Variants in RIMBP2 observed in about 807,000 individuals in gnomAD.
RIMBP2 encodes the protein RIMS binding protein 2, also known as RIMS-binding protein 2.
Under a neutral mutation model 118.6 loss-of-function variants are expected in RIMBP2, and 48 were observed. The observed-to-expected ratio is 0.40, with a 90% confidence interval of 0.32 to 0.51. The LOEUF (loss-of-function observed/expected upper bound fraction) is 0.51, where lower values mean the gene tolerates loss of function less well. Among genes scored for constraint, RIMBP2 ranks in the 20% least tolerant of loss-of-function variants. The pLI is 0.41. For synonymous variants in RIMBP2, 762 were observed against 742.9 expected (o/e 1.03, Z -0.42); for missense variants, 1,551 against 1,768.3 (o/e 0.88, Z 2.20).
intron 10 of RIMBP2, among the ~76,000 whole-genome samples, chr12:130,444,613 C>T (rs924822293): frequency 6.6e-6 from 1 of 152,148 alleles, no homozygotes; most frequent in Non-Finnish European, 1.5e-5. Flanking sequence ...AAAGGTGGGG[C>T]CTTTCAGATG....
chr12:130,544,075 C>A (rs2054865870), intron 2 of RIMBP2, among the ~76,000 whole-genome samples: 1 of 152,168 alleles, frequency 6.6e-6, no homozygotes, highest in Non-Finnish European at 1.5e-5. Flanking sequence ...CTGGAACCTA[C>A]CATTCTTGTC....
chr12:130,592,256 G>C (rs1177585063), intron 2 of RIMBP2, among the ~76,000 whole-genome samples: 1 of 152,214 alleles, frequency 6.6e-6, no homozygotes, highest in East Asian at 1.9e-4. Flanking sequence ...GCCCTGGCGG[G>C]TGTTTCCTGG....
At chr12:130,513,910 C>A (rs2051172763) in intron 3 of RIMBP2, among the ~76,000 whole-genome samples, 1 of 152,222 alleles carries the variant, frequency 6.6e-6, no homozygotes, top group South Asian at 2.1e-4. Flanking sequence ...CTCCAGGGAT[C>A]CAGAAGGACA....
chr12:130,686,147 A>C (rs1231965340), intron 1 of RIMBP2, among the ~76,000 whole-genome samples: 1 of 152,178 alleles, frequency 6.6e-6, no homozygotes, highest in Non-Finnish European at 1.5e-5. Context: ...GGAGACTGGC[A>C]GTCACGGCCA....
At chr12:130,439,291 ATGTGGGTGTGTG>A (rs991960114) in intron 11 of RIMBP2, among the ~76,000 whole-genome samples, 1 of 151,538 alleles carries the variant, frequency 6.6e-6, no homozygotes, top group African/African-American at 2.4e-5. Context: ...GTGTGTGTAT[ATGTGGGTGTGTG>A]TGTGGGTGTG....
At chr12:130,460,067 G>C (rs1049788073) in intron 6 of RIMBP2, among the ~76,000 whole-genome samples, 12 of 152,220 alleles carry the variant, frequency 7.9e-5, no homozygotes, top group Non-Finnish European at 1.8e-4. Flanking sequence ...GATGAACCAG[G>C]TCACCTCTGT....
intron 2 of RIMBP2, among the ~76,000 whole-genome samples, chr12:130,519,129 G>A (rs193211181): frequency 7.9e-5 from 12 of 152,302 alleles, no homozygotes; most frequent in Non-Finnish European, 1.6e-4. Context: ...ATACTGGTGG[G>A]ACACCCACAT....
intron 1 of RIMBP2, chr12:130,633,811 C>T (rs1158602189): frequency 1.3e-5 from 2 of 152,224 alleles, no homozygotes; most frequent in Non-Finnish European, 2.9e-5. Flanking sequence ...TTACAAGGCA[C>T]CGGAGATTAG....
chr12:130,532,235 G>A (rs61934574), intron 2 of RIMBP2, among the ~76,000 whole-genome samples: 1,628 of 27,914 alleles, frequency 0.058, 17 homozygotes, highest in African/African-American at 0.1. Flanking sequence ...TGAGATGCGT[G>A]TGTTTAGCCT....
At position 130,622,757 on chromosome 12, in the gene RIMBP2, G is replaced by A. The variant is rs1339115921; in HGVS notation, c.-217+5565C>T. On this transcript the variant is annotated intron_variant, in intron 2 of 22. Coordinates refer to ENST00000690449, the MANE Select transcript of RIMBP2 (RefSeq NM_001393629.1). This position sits in a 1 kb window ranked among gnomAD's most constrained non-coding sequence, Gnocchi z 8.5. ...CACTCTTGGAAATATTGGGCTAGTT[G>A]GCAGATTTAGGCAATGCCTCCACTA... 6.6e-6 allele frequency among the ~76,000 whole-genome samples: 1 copy of A among 152,106 alleles called. No individual in the cohort carries two copies. The highest frequency in any genetic ancestry group is 1.5e-5 in the Non-Finnish European group (1 of 68,032).
chr12:130,424,458 A>T lies in RIMBP2; in HGVS notation c.2813T>A (p.Val938Glu), dbSNP rs1430497482. Residue 938 changes from valine to glutamate, a missense_variant, in exon 16 of 23, where the codon GTG becomes GAG. By Grantham distance (121) the Val-to-Glu change is moderately radical (BLOSUM62 -2). Coordinates refer to ENST00000690449, the MANE Select transcript of RIMBP2 (RefSeq NM_001393629.1). This position sits in a 1 kb window ranked among gnomAD's most constrained non-coding sequence, Gnocchi z 9.8. ...ACCAGGGCCTGGGCTGCACGCGGCCACGGTGTTTCCGAAGCCAAACCGCGA... is the reference window on the plus strand; with the variant it reads ...ACCAGGGCCTGGGCTGCACGCGGCCTCGGTGTTTCCGAAGCCAAACCGCGA... ...DESRFGFGNT[V>E]AACSPGPGHC... 6 of 1,231,978 alleles carry T rather than the reference A, an allele frequency of 4.9e-6. No homozygotes were observed. In the African/African-American group the frequency reaches 9.3e-5, roughly 19 times the overall value. The allele number at this position is 1,231,978 out of a possible 1,614,324, so 76.3% of individuals were successfully genotyped here. A position where few individuals can be genotyped will look rare whatever the true frequency, so the allele number is the denominator to read the frequency against.
At chr12:130,687,387 G>A (rs897911004) in intron 1 of RIMBP2, among the ~76,000 whole-genome samples, 1 of 152,212 alleles carries the variant, frequency 6.6e-6, no homozygotes, top group African/African-American at 2.4e-5. Context: ...GTAAGATGTG[G>A]TATAGGAGGT....
rs954001386 is a variant in RIMBP2, at chr12:130,561,481, C to A, written c.-216-43564G>T. ...TGATACGAGCAAGGTACCCCAAACC[C>A]AATTTCCACCTTCTTCTTAATTGCA... On this transcript the variant is annotated intron_variant, in intron 2 of 22. Transcript: ENST00000690449. Among the ~76,000 whole-genome samples, 3 of 152,112 alleles carry A rather than the reference C, an allele frequency of 2.0e-5. No homozygotes were observed. The South Asian group carries it at 6.2e-4, about 32-fold the overall frequency.
At chr12:130,607,153 C>T (rs1313563266) in intron 2 of RIMBP2, among the ~76,000 whole-genome samples, 5 of 152,104 alleles carry the variant, frequency 3.3e-5, no homozygotes, top group Non-Finnish European at 7.3e-5. Flanking sequence ...TTAAACACAG[C>T]TCACTCTACC....
chr12:130,538,940 G>A (rs1170704974), intron 2 of RIMBP2, among the ~76,000 whole-genome samples: 1 of 152,190 alleles, frequency 6.6e-6, no homozygotes, highest in Non-Finnish European at 1.5e-5. Context: ...TGGGCAGGGT[G>A]GGCCTGAGGG....
At chr12:130,640,518 C>G (rs1321519256) in intron 1 of RIMBP2, among the ~76,000 whole-genome samples, 1 of 152,210 alleles carries the variant, frequency 6.6e-6, no homozygotes, top group Admixed American at 6.5e-5. Context: ...GTGTCTGTAA[C>G]CACAGCCAAC....
At chr12:130,484,932 G>T (rs2082354469) in intron 4 of RIMBP2, among the ~76,000 whole-genome samples, 1 of 152,192 alleles carries the variant, frequency 6.6e-6, no homozygotes, top group Admixed American at 6.5e-5. Flanking sequence ...TTTTCAATTG[G>T]TTAGTGATTA....
chr12:130,603,765 G>A (rs901692), intron 2 of RIMBP2, among the ~76,000 whole-genome samples: 103,798 of 152,036 alleles, frequency 0.68, 35,610 homozygotes, highest in South Asian at 0.81. Flanking sequence ...TGACTCATGT[G>A]TGTGGTGACA....
At chr12:130,528,252 A>C (rs1447897506) in intron 2 of RIMBP2, among the ~76,000 whole-genome samples, 1 of 152,260 alleles carries the variant, frequency 6.6e-6, no homozygotes, top group African/African-American at 2.4e-5. Context: ...ACACCATGGA[A>C]TACTATGCAG....
Sources: allele counts gnomAD v4.1 joint callset (sites outside exome capture counted in the v4.1 genomes callset), GRCh38; gene constraint gnomAD v4.1.1; non-coding constraint Gnocchi (gnomAD v3.1); transcripts MANE v1.5; gene names NCBI Gene and HGNC (gene_info 2026-07-23, HGNC 2026-07-21).